Variants in SVIL observed in about 807,000 individuals in gnomAD.
SVIL encodes archvillin.
SVIL carries 101 observed loss-of-function variants against 240.4 expected under a neutral mutation model. That is an observed-to-expected ratio of 0.42 (90% CI 0.36 to 0.50). SVIL has a LOEUF of 0.50. Among genes scored for constraint, SVIL ranks in the 20% least tolerant of loss-of-function variants. The pLI is 0.01. For synonymous variants in SVIL, 999 were observed against 1,100.0 expected (o/e 0.91, Z 1.82); for missense variants, 2,512 against 2,818.7 (o/e 0.89, Z 2.46).
chr10:29,495,090 A>C lies in SVIL; in HGVS notation c.3754+2T>G. 1 of 1,599,918 alleles carries C rather than the reference A, an allele frequency of 6.3e-7. No individual in the cohort carries two copies. Among genetic ancestry groups the C allele is most frequent in the African/African-American group, 1.4e-5 (1 of 69,336 alleles). On this transcript the variant is annotated splice_donor_variant, in intron 19 of 37. Transcript: ENST00000355867. LOFTEE classifies it high-confidence loss of function. ...GGCGTGGCCGGGGCCTTGGCGACTT[A>C]CCTTCCAGGGGTTTGGAAACGGGTG...
At chr10:29,562,087 T>C (rs1452916914) in intron 3 of SVIL, among the ~76,000 whole-genome samples, 2 of 152,226 alleles carry the variant, frequency 1.3e-5, no homozygotes, top group Non-Finnish European at 2.9e-5. Flanking sequence ...CGTTTTTTGT[T>C]CTAATTTCTT....
intron 21 of SVIL, among the ~76,000 whole-genome samples, chr10:29,492,162 C>T (rs1948024977): frequency 6.6e-6 from 1 of 152,072 alleles, no homozygotes; most frequent in Non-Finnish European, 1.5e-5. Flanking sequence ...CATCGTGGCT[C>T]TAAAGGAGAC....
chr10:29,587,510 C>T (rs1232484155), intron 1 of SVIL, among the ~76,000 whole-genome samples: 3 of 152,194 alleles, frequency 2.0e-5, no homozygotes, highest in African/African-American at 4.8e-5. Context: ...CTTCCAAGGC[C>T]GCACTGGGAC....
At chr10:29,581,345 T>C (rs917857559) in intron 1 of SVIL, among the ~76,000 whole-genome samples, 20 of 152,202 alleles carry the variant, frequency 1.3e-4, no homozygotes, top group African/African-American at 3.9e-4. Context: ...CTTTCCAGAT[T>C]CCTCATTTTA....
intron 1 of SVIL, among the ~76,000 whole-genome samples, chr10:29,611,574 AT>A (rs1487610095): frequency 1.3e-5 from 2 of 152,156 alleles, no homozygotes; most frequent in Non-Finnish European, 2.9e-5. Flanking sequence ...ATTCTAGAAT[AT>A]TTTGGAGAGG....
intron 1 of SVIL, among the ~76,000 whole-genome samples, chr10:29,588,089 T>G (rs1468813310): frequency 6.6e-6 from 1 of 151,814 alleles, no homozygotes; most frequent in East Asian, 1.9e-4. Flanking sequence ...ACGGGGCCCC[T>G]TTGTCATTCA....
intron 1 of SVIL, among the ~76,000 whole-genome samples, chr10:29,609,997 C>T (rs1311422379): frequency 6.6e-6 from 1 of 152,214 alleles, no homozygotes; most frequent in Non-Finnish European, 1.5e-5. Context: ...CCCTAAGGAT[C>T]CTGTGACACT....
intron 6 of SVIL, among the ~76,000 whole-genome samples, chr10:29,546,846 C>T (rs1952739166): frequency 6.6e-6 from 1 of 151,824 alleles, no homozygotes; most frequent in African/African-American, 2.4e-5. Context: ...ATTTAATAGC[C>T]AAAAATTTGG....
chr10:29,507,241 T>C (rs1949432609), intron 17 of SVIL, among the ~76,000 whole-genome samples: 1 of 152,000 alleles, frequency 6.6e-6, no homozygotes, highest in Non-Finnish European at 1.5e-5. Context: ...CACCATATCC[T>C]CCTCCTCTAT....
At position 29,619,189 on chromosome 10, in the gene SVIL, C is replaced by T. The variant is rs116228366; in HGVS notation, c.-201+15231G>A. Among the ~76,000 whole-genome samples the T allele has an allele frequency of 3.1e-3, 467 of 152,264 alleles. 2 individuals are homozygous for T. Among genetic ancestry groups the T allele is most frequent in the African/African-American group, 0.011 (444 of 41,558 alleles). On this transcript the variant is annotated intron_variant, in intron 1 of 37. Transcript: ENST00000355867. Reference sequence around the variant, plus strand: ...AAAATTGTATTCCCCCAGTCATCCACGTTTACATTTTATGAGATACTTTGT... The same window carrying T: ...AAAATTGTATTCCCCCAGTCATCCATGTTTACATTTTATGAGATACTTTGT...
upstream of SVIL, chr10:29,735,860 C>T (rs61848305): frequency 0.18 from 28,068 of 152,046 alleles, 3,055 homozygotes; most frequent in East Asian, 0.27. The surrounding 1 kb of genome is among the most constrained non-coding windows in gnomAD (Gnocchi z 4.1). Context: ...GCCTCGTTCC[C>T]ACCGCGCGGG....
intron 1 of SVIL, among the ~76,000 whole-genome samples, chr10:29,574,227 A>G (rs538280593): frequency 6.6e-6 from 1 of 152,300 alleles, no homozygotes; most frequent in African/African-American, 2.4e-5. Flanking sequence ...AAAAGCAAAT[A>G]CTGAAGTTGC....
At chr10:29,529,878 T>C in intron 11 of SVIL, 34 bp from the exon 12 acceptor site, 1 of 1,574,028 alleles carries the variant, frequency 6.4e-7, no homozygotes, top group African/African-American at 1.4e-5. Context: ...CCCTTATAAA[T>C]TCAAGGAAAG....
At chr10:29,640,648 C>T (rs76221079) in intron 3 of SVIL, among the ~76,000 whole-genome samples, 8,206 of 152,294 alleles carry the variant, frequency 0.054, 358 homozygotes, top group East Asian at 0.21. Context: ...ACCGCAACCT[C>T]CCCATCGGCA....
At chr10:29,590,335 T>G (rs1292782754) in intron 1 of SVIL, among the ~76,000 whole-genome samples, 1 of 152,156 alleles carries the variant, frequency 6.6e-6, no homozygotes, top group African/African-American at 2.4e-5. Context: ...GCTATTCACA[T>G]GCTTGATTGT....
chr10:29,636,102 G>A (rs1564725098), upstream of SVIL, among the ~76,000 whole-genome samples: 1 of 137,752 alleles, frequency 7.3e-6, no homozygotes, highest in Non-Finnish European at 1.6e-5. Context: ...CCAGTCAACT[G>A]TTTTTTTTTT....
intron 1 of SVIL, among the ~76,000 whole-genome samples, chr10:29,604,251 G>C (rs905076500): frequency 6.7e-5 from 10 of 148,200 alleles, no homozygotes; most frequent in African/African-American, 2.5e-4. Context: ...CCAGGCTGGA[G>C]TGCAGTGGTG....
intron 2 of SVIL, among the ~76,000 whole-genome samples, chr10:29,679,589 CTG>C: frequency 6.8e-6 from 1 of 146,536 alleles, no homozygotes; most frequent in African/African-American, 2.5e-5. Context: ...GGGTCCCACT[CTG>C]TTGCCCTGGC....
intron 13 of SVIL, among the ~76,000 whole-genome samples, chr10:29,526,030 G>A (rs1267831267): frequency 6.6e-6 from 1 of 152,194 alleles, no homozygotes; most frequent in Non-Finnish European, 1.5e-5. Context: ...TCATATAACA[G>A]TAAAATGAAG....
Sources: allele counts gnomAD v4.1 joint callset (sites outside exome capture counted in the v4.1 genomes callset), GRCh38; gene constraint gnomAD v4.1.1; non-coding constraint Gnocchi (gnomAD v3.1); transcripts MANE v1.5; gene names NCBI Gene and HGNC (gene_info 2026-07-23, HGNC 2026-07-21).